NFRKB: variants seen among roughly 807,000 people sequenced by gnomAD.
NFRKB encodes the protein nuclear factor related to kappa-B-binding protein.
NFRKB carries 62 observed loss-of-function variants against 135.7 expected under a neutral mutation model. The observed-to-expected ratio is 0.46, with a 90% CI of 0.37 to 0.56. The LOEUF (loss-of-function observed/expected upper bound fraction) is 0.56, where lower values mean the gene tolerates loss of function less well. Among genes scored for constraint, NFRKB ranks in the 20% least tolerant of loss-of-function variants. The probability of loss-of-function intolerance (pLI) is 0.00; values close to 1 mark genes in which losing one functional copy is unlikely to be tolerated. For synonymous variants in NFRKB, 678 were observed against 635.6 expected (o/e 1.07, Z -1.00); for missense variants, 1,545 against 1,662.0 (o/e 0.93, Z 1.22).
intron 23 of NFRKB, 156 bp downstream of exon 23, chr11:129,872,728 T>C: frequency 1.5e-6 from 1 of 683,418 alleles, no homozygotes; most frequent in Non-Finnish European, 2.4e-6. Context: ...TGCCTTTGCC[T>C]TTGGTGGGAA....
Position 129,874,309 on chromosome 11 carries a change from T to C in NFRKB, c.2083A>G (p.Ile695Val), listed in dbSNP as rs1948661926. The part of the protein sequence containing the change: ...KVKSSSKESS[I>V]KVLSSGPSEQ... Reference sequence around the variant, plus strand: ...GAAGGGCCACTGCTAAGGACCTTTATGGAGCTCTCCTTGCTACTGGACTTC... The same window carrying C: ...GAAGGGCCACTGCTAAGGACCTTTACGGAGCTCTCCTTGCTACTGGACTTC... Residue 695 changes from isoleucine to valine, a missense_variant, in exon 21 of 27, where the codon ATA becomes GTA. Transcript: ENST00000682444. The surrounding 1 kb of genome is among the most constrained non-coding windows in gnomAD (Gnocchi z 4.5). 3 of 1,518,094 alleles carry C rather than the reference T, an allele frequency of 2.0e-6. No homozygotes were observed. Among genetic ancestry groups the C allele is most frequent in the East Asian group, 2.3e-5 (1 of 44,060 alleles). 94.0% of individuals were successfully genotyped at this position (1,518,094 alleles called of 1,614,324 possible).
rs1410972036 is a variant in NFRKB at position 129,874,760 on chromosome 11, T to G, written c.1978+33A>C. On this transcript the variant is annotated intron_variant, in intron 19 of 26. Coordinates refer to ENST00000682444, the MANE Select transcript of NFRKB (RefSeq NM_001143835.2). This position sits in a 1 kb window ranked among gnomAD's most constrained non-coding sequence, Gnocchi z 4.5. ...GTAGAAAGTCAGAACGTATCCCCAG[T>G]CTGGTCGGACAGTGCCCAGAGGCCT... 1 of 1,614,122 alleles carries G rather than the reference T, an allele frequency of 6.2e-7. No individual in the cohort carries two copies. The highest frequency in any genetic ancestry group is 2.2e-5 in the East Asian group (1 of 44,878).
chr11:129,880,873 C>A (rs1343817917), intron 13 of NFRKB, among the ~76,000 whole-genome samples: 2 of 152,212 alleles, frequency 1.3e-5, no homozygotes, highest in Non-Finnish European at 2.9e-5. Flanking sequence ...CCACAGACCA[C>A]TCAGCACAGA....
rs1464687502 is a variant in NFRKB, at chr11:129,864,753, G to C, written c.3872C>G (p.Ser1291Cys). 1 of 1,614,218 alleles carries C rather than the reference G, an allele frequency of 6.2e-7. No individual in the cohort carries two copies. The highest frequency in any genetic ancestry group is 8.5e-7 in the Non-Finnish European group (1 of 1,180,044). ...TTGTTGCTCAGGTGCCTGTTTAGGA[G>C]ACGGAGCTGTAGTCACAACAACAGT... is the stretch of plus-strand genomic sequence containing the variant. ...VSTVVVTTAP[S>C]PKQAPEQQ is the part of the protein sequence containing the mutation. Residue 1291 changes from serine to cysteine, a missense_variant, in exon 27 of 27, where the codon TCT becomes TGT. Physicochemically the swap from Ser to Cys is moderately radical, Grantham distance 112 (BLOSUM62 -1). Around this residue, in one of 3 missense-constraint regions of NFRKB, gnomAD observed 753 missense variants for 804.3 expected, o/e 0.94. Coordinates refer to ENST00000682444, the MANE Select transcript of NFRKB (RefSeq NM_001143835.2).
rs748456130 is a variant in NFRKB at position 129,878,595 on chromosome 11, A to G, written c.1385-52T>C. Reference sequence around the variant, plus strand: ...AATAAGAAGGTCTAAGGTATTATTGAGAATCCTGCTTTCTCTTTACTAGCT... The same window carrying G: ...AATAAGAAGGTCTAAGGTATTATTGGGAATCCTGCTTTCTCTTTACTAGCT... On this transcript the variant is annotated intron_variant, in intron 13 of 26. Transcript: ENST00000682444. 5 of 1,426,742 alleles carry G rather than the reference A, an allele frequency of 3.5e-6. No individual in the cohort carries two copies. The Admixed American group carries it at 9.0e-5, about 26-fold the overall frequency. 88.4% of individuals were successfully genotyped at this position (1,426,742 alleles called of 1,614,324 possible). A position where few individuals can be genotyped will look rare whatever the true frequency, so the allele number is the denominator to read the frequency against.
chr11:129,875,232 C>A, intron 18 of NFRKB, 125 bp downstream of exon 18: 1 of 858,110 alleles, frequency 1.2e-6, no homozygotes, highest in Non-Finnish European at 1.8e-6. Flanking sequence ...GATCACTATG[C>A]ATTTTTCAAG....
rs1252467089 is a variant in NFRKB, at chr11:129,881,493, A to C, written c.1334T>G (p.Phe445Cys). The change falls in exon 13 of 27, where the codon TTC becomes TGC. Residue 445 changes from phenylalanine (F) to cysteine (C), a missense_variant. Physicochemically the swap from Phe to Cys is radical, Grantham distance 205. Coordinates refer to ENST00000682444, the MANE Select transcript of NFRKB (RefSeq NM_001143835.2). The stretch of plus-strand genomic sequence containing the variant: ...CTCTTTGAATTCAACAAATGGAGAG[A>C]AACTGGAAGGAACAGCTGCAAGAAA... ...AGESRAVPSSFSPFVEFKEKT... is the reference protein window; with the variant it reads ...AGESRAVPSSCSPFVEFKEKT... 1.2e-6 allele frequency: 2 copies of C among 1,614,152 alleles called. No individual in the cohort carries two copies. Among genetic ancestry groups the C allele is most frequent in the African/African-American group, 2.7e-5 (2 of 75,022 alleles).
In NFRKB at chr11:129,874,265, G is replaced by A. The variant is rs1948659708; in HGVS notation, c.2127C>T (p.Ser709=). Residue 709 remains serine, a synonymous_variant, in exon 21 of 27, where the codon AGC becomes AGT. Coordinates refer to ENST00000682444, the MANE Select transcript of NFRKB (RefSeq NM_001143835.2). The surrounding 1 kb of genome is among the most constrained non-coding windows in gnomAD (Gnocchi z 4.5). The part of the protein sequence containing the change: ...SSGPSEQSQM[S]LSDSSMPPTP... ...TGGGTGGCATACTGGAGTCACTGAG[G>A]CTCATCTGGCTCTGCTCAGAAGGGC... 1 of 1,516,564 alleles carries A rather than the reference G, an allele frequency of 6.6e-7. No homozygotes were observed. Among genetic ancestry groups the A allele is most frequent in the Non-Finnish European group, 8.8e-7 (1 of 1,134,654 alleles). The allele number at this position is 1,516,564 out of a possible 1,614,324, so 93.9% of individuals were successfully genotyped here.
At chr11:129,891,080 T>C (rs1293240681) in intron 3 of NFRKB, among the ~76,000 whole-genome samples, 3 of 152,236 alleles carry the variant, frequency 2.0e-5, no homozygotes, top group Non-Finnish European at 2.9e-5. Context: ...TTTCCAGTGA[T>C]GTTCTACGGT....
intron 16 of NFRKB, 129 bp downstream of exon 16, chr11:129,877,196 G>T: frequency 1.1e-6 from 1 of 946,370 alleles, no homozygotes; most frequent in Non-Finnish European, 1.7e-6. Context: ...AGTAATCCCA[G>T]CCAACAGAAG....
intron 15 of NFRKB, among the ~76,000 whole-genome samples, chr11:129,878,031 C>T (rs920378345): frequency 6.6e-6 from 1 of 152,068 alleles, no homozygotes; most frequent in African/African-American, 2.4e-5. Context: ...CAAGTAGGAG[C>T]CCAGGGAGGA....
chr11:129,875,905 C>T (rs535277640), intron 17 of NFRKB, among the ~76,000 whole-genome samples: 6 of 152,084 alleles, frequency 3.9e-5, no homozygotes, highest in Non-Finnish European at 8.8e-5. Flanking sequence ...GATCCGCCTG[C>T]CTTGGCCTCC....
intron 23 of NFRKB, 166 bp downstream of exon 23, chr11:129,872,718 T>G (rs4326805): frequency 1.4e-5 from 9 of 623,092 alleles, no homozygotes; most frequent in South Asian, 1.3e-4. Context: ...AAAGCTGCAC[T>G]GCCTTTGCCT....
At chr11:129,890,520 CATA>C (rs906013648) in intron 3 of NFRKB, among the ~76,000 whole-genome samples, 44 of 152,262 alleles carry the variant, frequency 2.9e-4, no homozygotes, top group African/African-American at 1.0e-3. Flanking sequence ...TCATTTTATC[CATA>C]ATGTTTGGCA....
rs751265943 is a variant in NFRKB at position 129,873,026 on chromosome 11, T to C, written c.2621A>G (p.Gln874Arg). ...AATVQRPGPG[Q>R]TGLTVTSLPA... ...GAGACTTGTCACCGTGAGCCCTGTC[T>C]GCCCGGGTCCAGGCCGCTGCACAGT... The change falls in exon 23 of 27, where the codon CAG (glutamine) becomes CGG (arginine). Residue 874 changes from glutamine to arginine, a missense_variant. Coordinates refer to ENST00000682444, the MANE Select transcript of NFRKB (RefSeq NM_001143835.2). The C allele has an allele frequency of 7.4e-6, 12 of 1,614,192 alleles. No homozygotes were observed. The highest frequency in any genetic ancestry group is 1.7e-4 in the Middle Eastern group (1 of 6,058).
chr11:129,888,110 T>A (rs1215903548), intron 4 of NFRKB, among the ~76,000 whole-genome samples: 1 of 152,114 alleles, frequency 6.6e-6, no homozygotes, highest in Non-Finnish European at 1.5e-5. Context: ...TCCTTGAGTG[T>A]GGTAACAGGG....
intron 4 of NFRKB, among the ~76,000 whole-genome samples, chr11:129,886,723 A>C (rs1175630582): frequency 6.6e-6 from 1 of 152,244 alleles, no homozygotes; most frequent in African/African-American, 2.4e-5. Flanking sequence ...TGGAATATGC[A>C]GGAAGTCCTG....
intron 2 of NFRKB, 92 bp downstream of exon 2, chr11:129,894,267 T>C (rs1394533999): frequency 6.6e-6 from 1 of 152,092 alleles, no homozygotes; most frequent in African/African-American, 2.4e-5. Context: ...CTAAAAAGCA[T>C]ACTAAAATGA....
At chr11:129,871,591 C>T (rs568608159) in intron 23 of NFRKB, among the ~76,000 whole-genome samples, 1 of 152,258 alleles carries the variant, frequency 6.6e-6, no homozygotes, top group East Asian at 1.9e-4. Flanking sequence ...TCCTCTCAGA[C>T]CCCTACTCAA....
Sources: gnomAD v4.1 joint callset for allele counts (sites outside exome capture counted in the v4.1 genomes callset) on GRCh38, gnomAD v4.1.1 for gene constraint, gnomAD v4.1.1 regional missense constraint, Gnocchi (gnomAD v3.1) non-coding constraint, MANE v1.5 for transcripts, NCBI Gene and HGNC (gene_info 2026-07-23, HGNC 2026-07-21) for gene names.